CCM2: variants seen among roughly 807,000 people sequenced by gnomAD.
The protein encoded by CCM2 is cerebral cavernous malformations 2 protein.
Under a neutral mutation model 44.9 loss-of-function variants are expected in CCM2, and 25 were observed. The ratio of observed to expected loss-of-function variants is 0.56; its 90% confidence interval spans 0.41 to 0.78. CCM2 has a LOEUF of 0.78. Among genes scored for constraint, CCM2 ranks in the 30% least tolerant of loss-of-function variants. The pLI is 0.00. For missense variants in CCM2, 481 were observed against 580.6 expected (o/e 0.83, Z 1.76); for synonymous variants, 219 against 241.1 (o/e 0.91, Z 0.85).
chr7:45,057,142 T>G (rs1000253050), intron 2 of CCM2, among the ~76,000 whole-genome samples: 3 of 152,084 alleles, frequency 2.0e-5, no homozygotes, highest in Admixed American at 6.5e-5. Flanking sequence ...ACAAGGGTCT[T>G]TCTTGGGCTC....
intron 1 of CCM2, among the ~76,000 whole-genome samples, chr7:45,013,439 C>T (rs1049545090): frequency 6.6e-6 from 1 of 151,986 alleles, no homozygotes; most frequent in African/African-American, 2.4e-5. Flanking sequence ...CGCCTTCCAC[C>T]CAGATCCCTC....
chr7:45,017,693 C>T (rs1312136686), intron 1 of CCM2, among the ~76,000 whole-genome samples: 3 of 152,128 alleles, frequency 2.0e-5, no homozygotes, highest in African/African-American at 7.2e-5. Flanking sequence ...TCCATTCTGT[C>T]AGTTTTGTGG....
At chr7:45,042,253 G>A (rs372303725) in intron 2 of CCM2, among the ~76,000 whole-genome samples, 6 of 34,356 alleles carry the variant, frequency 1.7e-4, no homozygotes, top group Admixed American at 9.9e-4. Flanking sequence ...GTAACAGAGC[G>A]AGATTCCATC....
intron 5 of CCM2, 106 bp downstream of exon 5, chr7:45,068,685 GC>G: frequency 7.0e-7 from 1 of 1,434,868 alleles, no homozygotes; most frequent in Non-Finnish European, 9.6e-7. Flanking sequence ...ACTGCTGGGT[GC>G]CCCAGCTACT....
At chr7:45,023,262 A>G (rs1796552274) in intron 1 of CCM2, among the ~76,000 whole-genome samples, 1 of 151,896 alleles carries the variant, frequency 6.6e-6, no homozygotes, top group Non-Finnish European at 1.5e-5. Flanking sequence ...ATAAAACTTT[A>G]TTTACGGCTG....
intron 1 of CCM2, among the ~76,000 whole-genome samples, chr7:45,013,705 G>A (rs1443300058): frequency 6.6e-6 from 1 of 152,122 alleles, no homozygotes; most frequent in Non-Finnish European, 1.5e-5. Flanking sequence ...ATCATGTGTT[G>A]CATTTGGTTT....
At chr7:45,063,627 A>G (rs951120480) in intron 2 of CCM2, among the ~76,000 whole-genome samples, 3 of 152,190 alleles carry the variant, frequency 2.0e-5, no homozygotes, top group African/African-American at 7.2e-5. Context: ...GATTCTACCA[A>G]AACTAGTAGT....
chr7:45,070,142 C>T, intron 6 of CCM2, 181 bp downstream of exon 6: 1 of 715,690 alleles, frequency 1.4e-6, no homozygotes, highest in East Asian at 2.7e-5. Flanking sequence ...GCAGAAGTGT[C>T]ACCTGTCCTT....
At chr7:45,055,258 A>G (rs1256625704) in intron 2 of CCM2, among the ~76,000 whole-genome samples, 1 of 152,254 alleles carries the variant, frequency 6.6e-6, no homozygotes, top group Non-Finnish European at 1.5e-5. Context: ...ATATGACCCC[A>G]TCTTAGTCAG....
At chr7:45,029,132 T>C (rs953198463) in intron 1 of CCM2, among the ~76,000 whole-genome samples, 1 of 152,126 alleles carries the variant, frequency 6.6e-6, no homozygotes, top group Non-Finnish European at 1.5e-5. Context: ...CAGTTGCGGT[T>C]TGTCTGTCTC....
chr7:45,002,437 C>T (rs920695510), intron 1 of CCM2, among the ~76,000 whole-genome samples: 5 of 151,876 alleles, frequency 3.3e-5, no homozygotes, highest in South Asian at 2.1e-4. Flanking sequence ...GGCGCGGCAG[C>T]GCTCGCCTAT....
intron 1 of CCM2, among the ~76,000 whole-genome samples, chr7:45,034,512 CT>C (rs35845924): frequency 1.5e-4 from 10 of 65,222 alleles, no homozygotes; most frequent in East Asian, 5.4e-4. Flanking sequence ...CATGCCTGGC[CT>C]TTTTTTTTTT....
At chr7:45,069,719 C>A in intron 5 of CCM2, 107 bp from the exon 6 acceptor site, 1 of 1,413,350 alleles carries the variant, frequency 7.1e-7, no homozygotes. Context: ...ATCCACTCTT[C>A]ATTCATGTTT....
chr7:45,001,139 T>A (rs1795604724), intron 1 of CCM2, among the ~76,000 whole-genome samples: 3 of 152,178 alleles, frequency 2.0e-5, no homozygotes, highest in Admixed American at 1.3e-4. Flanking sequence ...CCTCGATAAT[T>A]CCTAACTATG....
At chr7:45,001,166 C>T (rs769789783) in intron 1 of CCM2, among the ~76,000 whole-genome samples, 3 of 152,184 alleles carry the variant, frequency 2.0e-5, no homozygotes, top group South Asian at 4.1e-4. Flanking sequence ...CTACCCTGAA[C>T]TCTGCAGGGA....
intron 1 of CCM2, among the ~76,000 whole-genome samples, chr7:45,001,428 A>G (rs1795621985): frequency 6.6e-6 from 1 of 152,256 alleles, no homozygotes; most frequent in South Asian, 2.1e-4. Flanking sequence ...TGCAGGTGTT[A>G]GATTAGAGAT....
In CCM2 at chr7:45,073,523, C is replaced by T. The variant is rs371880014; in HGVS notation, c.867C>T (p.Ser289=). The T allele has an allele frequency of 2.0e-5, 32 of 1,612,954 alleles. No individual in the cohort carries two copies. The highest frequency in any genetic ancestry group is 2.7e-5 in the Non-Finnish European group (32 of 1,179,922). ...CCCACAGCAAGACCATCAGTGAGAG[C>T]GAGCTGAGCGCCAGCGCCACTGAGC... is the stretch of plus-strand genomic sequence containing the variant. ...ASPHSKTISE[S]ELSASATELL... Residue 289 remains serine, a synonymous_variant, in exon 8 of 10, where the codon AGC becomes AGT. Transcript: ENST00000258781.
intron 2 of CCM2, among the ~76,000 whole-genome samples, chr7:45,050,326 T>G (rs1306482189): frequency 1.3e-5 from 2 of 152,232 alleles, no homozygotes; most frequent in Non-Finnish European, 2.9e-5. Flanking sequence ...AATTGCCTAA[T>G]GACATATTTC....
intron 1 of CCM2, among the ~76,000 whole-genome samples, chr7:45,006,569 C>T (rs1795856750): frequency 6.6e-6 from 1 of 152,116 alleles, no homozygotes; most frequent in African/African-American, 2.4e-5. Flanking sequence ...TGGTCTCAAT[C>T]TCCTGACTCC....
Sources: allele counts gnomAD v4.1 joint callset (sites outside exome capture counted in the v4.1 genomes callset), GRCh38; gene constraint gnomAD v4.1.1; transcripts MANE v1.5; gene names NCBI Gene and HGNC (gene_info 2026-07-23, HGNC 2026-07-21).